The following CYP2C19 variants were observed in gnomAD, a reference collection of about 807,000 sequenced individuals.
CYP2C19 encodes the protein cytochrome P450 2C19.
Under a neutral mutation model 40.9 loss-of-function variants are expected in CYP2C19, and 59 were observed. The ratio of observed to expected loss-of-function variants is 1.44; its 90% CI spans 1.17 to 1.79. The LOEUF (loss-of-function observed/expected upper bound fraction) is 1.79, where lower values mean the gene tolerates loss of function less well. Ranked by LOEUF, CYP2C19 falls within the 40% of genes most tolerant of loss-of-function variation. The pLI is 0.00. For missense variants in CYP2C19, 754 were observed against 596.9 expected, an observed-to-expected ratio of 1.26 and a Z score of -2.74; for synonymous variants, 253 against 208.7, an observed-to-expected ratio of 1.21 and a Z score of -1.83.
chr10:94,847,748 T>C (rs1849594954), intron 7 of CYP2C19, among the ~76,000 whole-genome samples: 1 of 152,202 alleles, frequency 6.6e-6, no homozygotes, highest in African/African-American at 2.4e-5. Context: ...TGTTGTTTCC[T>C]GACTTTTTAA....
intron 5 of CYP2C19, among the ~76,000 whole-genome samples, chr10:94,787,834 T>A (rs1157719089): frequency 6.6e-6 from 1 of 152,128 alleles, no homozygotes; most frequent in East Asian, 1.9e-4. Flanking sequence ...GCTTCTGTAT[T>A]GCTTTGGCTA....
At chr10:94,794,173 A>G (rs562513073) in intron 5 of CYP2C19, among the ~76,000 whole-genome samples, 1 of 152,246 alleles carries the variant, frequency 6.6e-6, no homozygotes, top group Admixed American at 6.5e-5. Context: ...CATGGGATAT[A>G]ATCTCCTGGT....
chr10:94,820,943 G>A (rs548566444), intron 6 of CYP2C19, among the ~76,000 whole-genome samples: 5 of 152,230 alleles, frequency 3.3e-5, no homozygotes, highest in African/African-American at 4.8e-5. Context: ...ACGTAGCCGG[G>A]CATTGTGGCA....
chr10:94,781,177 C>T (rs1848474634), intron 4 of CYP2C19, among the ~76,000 whole-genome samples: 1 of 152,164 alleles, frequency 6.6e-6, no homozygotes, highest in South Asian at 2.1e-4. Flanking sequence ...GCTGATGAGA[C>T]AGCTGGTTAG....
intron 1 of CYP2C19, among the ~76,000 whole-genome samples, chr10:94,769,035 T>C (rs558206472): frequency 6.6e-6 from 1 of 152,218 alleles, no homozygotes; most frequent in East Asian, 1.9e-4. Context: ...CCACAATTGT[T>C]TTAATGTCTT....
chr10:94,828,933 G>C lies in CYP2C19; in HGVS notation c.961+8296G>C, dbSNP rs895453306. ...CTCCTTCACTTATGAAGCTTAGTTT[G>C]GCTGGATATGAAATTCTGGGTTGAA... On this transcript the variant is annotated intron_variant, in intron 6 of 8. Coordinates refer to ENST00000371321, the MANE Select transcript of CYP2C19 (RefSeq NM_000769.4). Among the ~76,000 whole-genome samples the C allele has an allele frequency of 4.8e-4, 73 of 151,812 alleles. No homozygotes were observed. The East Asian group carries it at 0.013, about 28-fold the overall frequency.
At chr10:94,789,851 A>C (rs186102871) in intron 5 of CYP2C19, among the ~76,000 whole-genome samples, 1 of 151,950 alleles carries the variant, frequency 6.6e-6, no homozygotes, top group African/African-American at 2.4e-5. Context: ...CCCTATGAAA[A>C]TGAAAGTAGT....
chr10:94,852,676 T>C, intron 8 of CYP2C19, 57 bp from the exon 9 acceptor site: 1 of 1,574,802 alleles, frequency 6.3e-7, no homozygotes, highest in Non-Finnish European at 8.7e-7. Flanking sequence ...AGACAGTGTT[T>C]GTCACTCTCA....
At chr10:94,847,994 T>C (rs1039592424) in intron 7 of CYP2C19, among the ~76,000 whole-genome samples, 2 of 152,172 alleles carry the variant, frequency 1.3e-5, no homozygotes, top group Admixed American at 1.3e-4. Context: ...GTCAGATGAG[T>C]AGATTGCAAA....
chr10:94,852,025 A>G (rs1276723554), intron 8 of CYP2C19, among the ~76,000 whole-genome samples: 6 of 152,240 alleles, frequency 3.9e-5, no homozygotes, highest in African/African-American at 1.4e-4. Flanking sequence ...AGAAAAGTTC[A>G]TCTTGTTCAA....
At chr10:94,838,723 T>C (rs574776516) in intron 6 of CYP2C19, among the ~76,000 whole-genome samples, 4 of 152,162 alleles carry the variant, frequency 2.6e-5, no homozygotes, top group Non-Finnish European at 5.9e-5. Context: ...GAGGGCTTCC[T>C]GTAGGGCATA....
At chr10:94,775,721 A>G in intron 3 of CYP2C19, 182 bp downstream of exon 3, 1 of 962,102 alleles carries the variant, frequency 1.0e-6, no homozygotes, top group East Asian at 2.6e-5. Context: ...GTGTGTGTAC[A>G]GGCATGATTG....
chr10:94,846,880 T>A (rs1564685023), intron 7 of CYP2C19, among the ~76,000 whole-genome samples: 1 of 151,828 alleles, frequency 6.6e-6, no homozygotes, highest in Admixed American at 6.6e-5. Flanking sequence ...CTCTCCCGTA[T>A]CTTTAAATGA....
At position 94,769,918 on chromosome 10, in the gene CYP2C19, T is replaced by C. The variant is rs182520942; in HGVS notation, c.169-5140T>C. ...CCAGCTTTCACTAATATATCCCTCC[T>C]TAATAAGGGTGTGGGACTTTCAGAC... On this transcript the variant is annotated intron_variant, in intron 1 of 8. Coordinates refer to ENST00000371321, the MANE Select transcript of CYP2C19 (RefSeq NM_000769.4). Among the ~76,000 whole-genome samples, 474 of 152,250 alleles carry C rather than the reference T, an allele frequency of 3.1e-3. 3 individuals carry two copies. The highest frequency in any genetic ancestry group is 0.011 in the African/African-American group (451 of 41,540).
Position 94,778,949 on chromosome 10 carries a change from T to C in CYP2C19, c.482-1550T>C, listed in dbSNP as rs1480522267. Among the ~76,000 whole-genome samples the C allele has an allele frequency of 3.3e-5, 5 of 152,290 alleles. No homozygotes were observed. In the East Asian group the frequency reaches 7.7e-4, roughly 23 times the overall value. On this transcript the variant is annotated intron_variant, in intron 3 of 8. Transcript: ENST00000371321. ...TATGCAGCCATTAAAAAGAATGAGT[T>C]CATGTCCTTTGCAGGGACATGGATG... is the stretch of plus-strand genomic sequence containing the variant.
intron 8 of CYP2C19, among the ~76,000 whole-genome samples, chr10:94,850,720 G>A (rs967293658): frequency 3.3e-5 from 5 of 152,158 alleles, no homozygotes; most frequent in South Asian, 4.1e-4. Context: ...AGAAGAGAAG[G>A]CAGGGCTATT....
chr10:94,786,590 G>T (rs1462942635), intron 5 of CYP2C19, among the ~76,000 whole-genome samples: 9 of 152,128 alleles, frequency 5.9e-5, no homozygotes, highest in Middle Eastern at 3.4e-3. Context: ...TGTTACATGG[G>T]TTTATTGTGT....
chr10:94,793,371 C>G (rs1848637593), intron 5 of CYP2C19, among the ~76,000 whole-genome samples: 1 of 152,196 alleles, frequency 6.6e-6, no homozygotes, highest in African/African-American at 2.4e-5. Context: ...TCGTGAAAGT[C>G]ATTCTCTGTC....
At chr10:94,852,068 G>A (rs1432057605) in intron 8 of CYP2C19, among the ~76,000 whole-genome samples, 1 of 152,102 alleles carries the variant, frequency 6.6e-6, no homozygotes, top group East Asian at 1.9e-4. Flanking sequence ...TTGAAACCTA[G>A]TGTGTTGGGG....
Sources: allele counts gnomAD v4.1 joint callset (sites outside exome capture counted in the v4.1 genomes callset), GRCh38; gene constraint gnomAD v4.1.1; transcripts MANE v1.5; gene names NCBI Gene and HGNC (gene_info 2026-07-23, HGNC 2026-07-21).